Variants in ALS2CL observed in about 807,000 individuals in gnomAD.
ALS2CL encodes ALS2 C-terminal-like protein.
In ALS2CL, 112 loss-of-function variants were observed where a neutral mutation model predicts 127.9. The observed-to-expected ratio is 0.88, with a 90% CI of 0.75 to 1.02. The LOEUF (loss-of-function observed/expected upper bound fraction) is 1.02, where lower values mean the gene tolerates loss of function less well. Among genes scored for constraint, ALS2CL ranks in the 50% least tolerant of loss-of-function variants. The pLI is 0.00. For synonymous variants in ALS2CL, 519 were observed against 527.6 expected (o/e 0.98, Z 0.22); for missense variants, 1,174 against 1,236.7 (o/e 0.95, Z 0.76).
chr3:46,688,338 G>A, intron 2 of ALS2CL, 42 bp from the exon 3 acceptor site: 1 of 1,583,436 alleles, frequency 6.3e-7, no homozygotes, highest in Non-Finnish European at 8.6e-7. Context: ...GAGGACGTGG[G>A]CTCCATCTCC....
At chr3:46,675,886 T>A in intron 19 of ALS2CL, 200 bp from the exon 20 acceptor site, 2 of 1,443,032 alleles carry the variant, frequency 1.4e-6, no homozygotes. Flanking sequence ...GAAGGAACTA[T>A]AGCATCTAAG....
chr3:46,687,295 C>T, intron 4 of ALS2CL, 147 bp from the exon 5 acceptor site: 1 of 899,400 alleles, frequency 1.1e-6, no homozygotes, highest in Non-Finnish European at 1.6e-6. Flanking sequence ...AACACAGTAC[C>T]TGAGTTGCCC....
chr3:46,671,884 C>G lies in ALS2CL; in HGVS notation c.2684G>C (p.Arg895Pro), dbSNP rs549538690. 6.2e-7 allele frequency: 1 copy of G among 1,613,478 alleles called. No individual in the cohort carries two copies. ...PLLIYVVSRA[R>P]IQHLGAEIHL... Reference sequence around the variant, plus strand: ...CACCCCCAGCTCCTGACTGCCTCACCGGGCGCGCGACACCACGTAGATGAG... The same window carrying G: ...CACCCCCAGCTCCTGACTGCCTCACGGGGCGCGCGACACCACGTAGATGAG... Residue 895 changes from arginine to proline, a missense_variant and splice_region_variant, in exon 24 of 26, where the codon CGA becomes CCA. Physicochemically the swap from Arg to Pro is moderately radical, Grantham distance 103 (BLOSUM62 -2). Transcript: ENST00000318962.
rs146764129 is a variant in ALS2CL at position 46,682,091 on chromosome 3, T to C, written c.1113A>G (p.Gly371=). The part of the protein sequence containing the change: ...EWCRGRPHGK[G]TLKWPDGRNH... ...TCCGCCCATCCGGCCATTTCAGGGT[T>C]CCCCTGGAACACAGTGGAGGTTCAC... The change falls in exon 11 of 26, where the codon GGA becomes GGG. Residue 371 remains glycine, a synonymous_variant. Transcript: ENST00000318962. 6.2e-7 allele frequency: 1 copy of C among 1,613,846 alleles called. No individual in the cohort carries two copies. The highest frequency in any genetic ancestry group is 1.1e-5 in the South Asian group (1 of 90,952).
chr3:46,686,319 C>A lies in ALS2CL; in HGVS notation c.655G>T (p.Gly219Cys). 1 of 1,611,396 alleles carries A rather than the reference C, an allele frequency of 6.2e-7. No individual in the cohort carries two copies. Among genetic ancestry groups the A allele is most frequent in the Non-Finnish European group, 8.5e-7 (1 of 1,178,844 alleles). ...ATQALWHTLR[G>C]RLRDVLCTPA... ...GGCCCCCAACTCACCCTCAGCCGGC[C>A]TCTCAGGGTGTGCCAGAGAGCCTGT... is the stretch of plus-strand genomic sequence containing the variant. The change falls in exon 6 of 26, where the codon GGC becomes TGC. Residue 219 changes from glycine to cysteine, a missense_variant. Physicochemically the swap from Gly to Cys is radical, Grantham distance 159. Coordinates refer to ENST00000318962, the MANE Select transcript of ALS2CL (RefSeq NM_147129.5). This position sits in a 1 kb window ranked among gnomAD's most constrained non-coding sequence, Gnocchi z 4.3.
At chr3:46,684,428 C>T (rs553153166) in intron 7 of ALS2CL, among the ~76,000 whole-genome samples, 1 of 152,180 alleles carries the variant, frequency 6.6e-6, no homozygotes, top group South Asian at 2.1e-4. Context: ...CAGGGCCACT[C>T]CACAATCACA....
chr3:46,671,221 G>A (rs1435783681), intron 25 of ALS2CL, among the ~76,000 whole-genome samples, 157 bp from the exon 26 acceptor site: 2 of 152,154 alleles, frequency 1.3e-5, no homozygotes, highest in Non-Finnish European at 2.9e-5. Flanking sequence ...GGAAAATGGG[G>A]CCCTTCCTCT....
chr3:46,683,984 C>A lies in ALS2CL; in HGVS notation c.845+5G>T. 1 of 1,591,686 alleles carries A rather than the reference C, an allele frequency of 6.3e-7. No individual in the cohort carries two copies. On this transcript the variant is annotated splice_donor_5th_base_variant and intron_variant, in intron 8 of 25. Coordinates refer to ENST00000318962, the MANE Select transcript of ALS2CL (RefSeq NM_147129.5). ...CCTGGGGTGTCAGCCGAGGGGGTTG[C>A]TCACCCGTCCTGCCCAGGATCCACC...
intron 22 of ALS2CL, 68 bp downstream of exon 22, chr3:46,673,271 C>T: frequency 7.0e-7 from 1 of 1,423,212 alleles, no homozygotes; most frequent in Admixed American, 2.2e-5. Context: ...AATCATGAGG[C>T]AAAGGGCTCC....
chr3:46,689,295 T>C, intron 2 of ALS2CL, 43 bp downstream of exon 2: 2 of 1,595,430 alleles, frequency 1.3e-6, no homozygotes, highest in Non-Finnish European at 1.7e-6. Context: ...CCTGGGATCA[T>C]TCCTCGGTGC....
chr3:46,690,060 T>C (rs1700065224), intron 1 of ALS2CL, among the ~76,000 whole-genome samples: 1 of 151,994 alleles, frequency 6.6e-6, no homozygotes, highest in Non-Finnish European at 1.5e-5. Context: ...AGCAGGCAAG[T>C]GGAGGAACCC....
chr3:46,674,387 T>C (rs557807753), intron 21 of ALS2CL, among the ~76,000 whole-genome samples, 179 bp downstream of exon 21: 1 of 152,274 alleles, frequency 6.6e-6, no homozygotes, highest in South Asian at 2.1e-4. Flanking sequence ...CCAACAGAAA[T>C]GGAAGGTGCT....
chr3:46,677,773 G>C (rs556960126), intron 16 of ALS2CL, among the ~76,000 whole-genome samples: 1 of 152,332 alleles, frequency 6.6e-6, no homozygotes, highest in South Asian at 2.1e-4. Flanking sequence ...AGGAAAAGAA[G>C]TCTATCCTTC....
chr3:46,678,528 G>C (rs1463735105), intron 15 of ALS2CL, 139 bp from the exon 16 acceptor site: 1 of 1,190,100 alleles, frequency 8.4e-7, no homozygotes, highest in Non-Finnish European at 1.1e-6. Flanking sequence ...CATTCAAGCT[G>C]CTCCATGCTG....
intron 23 of ALS2CL, 39 bp downstream of exon 23, chr3:46,672,101 C>T: frequency 6.2e-7 from 1 of 1,614,174 alleles, no homozygotes; most frequent in East Asian, 2.2e-5. Context: ...ACCCCACACT[C>T]TGCCTCCGGA....
chr3:46,687,928 G>A lies in ALS2CL; in HGVS notation c.302+170C>T, dbSNP rs1008097862. Among the ~76,000 whole-genome samples the A allele has an allele frequency of 6.6e-5, 10 of 152,154 alleles. No homozygotes were observed. The South Asian group carries it at 1.9e-3, about 28-fold the overall frequency. On this transcript the variant is annotated intron_variant, in intron 3 of 25. Transcript: ENST00000318962. ...GGAGTGTCTGAGCCTGCTGTCAGGC[G>A]AATACCCAAGCCCAGGTGAGGCTGA...
intron 20 of ALS2CL, 168 bp from the exon 21 acceptor site, chr3:46,674,907 CA>C: frequency 1.7e-6 from 1 of 591,342 alleles, no homozygotes; most frequent in Non-Finnish European, 2.8e-6. Context: ...ATCATTTGCC[CA>C]ATTCAATTCA....
rs977823726 is a variant in ALS2CL at position 46,686,541 on chromosome 3, C to T, written c.535-102G>A. On this transcript the variant is annotated intron_variant, in intron 5 of 25. Transcript: ENST00000318962. This position sits in a 1 kb window ranked among gnomAD's most constrained non-coding sequence, Gnocchi z 4.3. ...GGGGAGGCCTGAATCTAGGCCAGAC[C>T]TTGCCCTTCTCTCCCTGACAGCTCC... is the stretch of plus-strand genomic sequence containing the variant. 3.4e-6 allele frequency: 5 copies of T among 1,461,374 alleles called. No individual in the cohort carries two copies. Among genetic ancestry groups the T allele is most frequent in the Admixed American group, 4.5e-5 (2 of 44,400 alleles). 90.5% of individuals were successfully genotyped at this position (1,461,374 alleles called of 1,614,324 possible). A position where few individuals can be genotyped will look rare whatever the true frequency, so the allele number is the denominator to read the frequency against.
At chr3:46,685,444 A>AT in intron 7 of ALS2CL, 81 bp downstream of exon 7, 1 of 1,570,276 alleles carries the variant, frequency 6.4e-7, no homozygotes, top group Non-Finnish European at 8.7e-7. Context: ...TCCCAGCAGC[A>AT]TGCCCCTTTA....
Sources: allele counts gnomAD v4.1 joint callset (sites outside exome capture counted in the v4.1 genomes callset), GRCh38; gene constraint gnomAD v4.1.1; non-coding constraint Gnocchi (gnomAD v3.1); transcripts MANE v1.5; gene names NCBI Gene and HGNC (gene_info 2026-07-23, HGNC 2026-07-21).